OIT3: variants seen among roughly 807,000 people sequenced by gnomAD.
OIT3 encodes oncoprotein induced transcript 3.
Under a neutral mutation model 52.2 loss-of-function variants are expected in OIT3, and 41 were observed. That is an observed-to-expected ratio of 0.79 (90% CI 0.61 to 1.02). The LOEUF (loss-of-function observed/expected upper bound fraction) is 1.02. Among genes scored for constraint, OIT3 ranks in the 50% least tolerant of loss-of-function variants. The probability of loss-of-function intolerance (pLI) is 0.00; values close to 1 mark genes in which losing one functional copy is unlikely to be tolerated. For synonymous variants in OIT3, 244 were observed against 276.9 expected, an observed-to-expected ratio of 0.88 and a Z score of 1.18; for missense variants, 634 against 715.5, an observed-to-expected ratio of 0.89 and a Z score of 1.30.
intron 5 of OIT3, among the ~76,000 whole-genome samples, chr10:72,912,513 C>T (rs1056221851): frequency 3.9e-5 from 6 of 152,010 alleles, no homozygotes; most frequent in African/African-American, 9.7e-5. Flanking sequence ...TCAAGTGAGC[C>T]GCCCTCCTTG....
At chr10:72,921,419 A>C (rs1310023502) in intron 6 of OIT3, among the ~76,000 whole-genome samples, 1 of 152,084 alleles carries the variant, frequency 6.6e-6, no homozygotes, top group African/African-American at 2.4e-5. Flanking sequence ...GCCCATTTAC[A>C]TTTAAGGTTA....
At chr10:72,915,420 TG>T (rs1324428192) in intron 6 of OIT3, among the ~76,000 whole-genome samples, 2 of 152,208 alleles carry the variant, frequency 1.3e-5, no homozygotes, top group African/African-American at 2.4e-5. Context: ...AATTAAGTAT[TG>T]CTCCTAGGGG....
chr10:72,898,915 T>C lies in OIT3; in HGVS notation c.313T>C (p.Cys105Arg). 2 of 1,614,216 alleles carry C rather than the reference T, an allele frequency of 1.2e-6. No homozygotes were observed. Among genetic ancestry groups the C allele is most frequent in the Non-Finnish European group, 1.7e-6 (2 of 1,180,032 alleles). Residue 105 changes from cysteine (C) to arginine (R), a missense_variant, in exon 2 of 9, where the codon TGT becomes CGT. Transcript: ENST00000334011. ...CGACGGCATTGTGCAACGCCAGGCT[T>C]GTGCCAGCTTCAATGGGAACTGCTG... ...EGDGIVQRQA[C>R]ASFNGNCCLW...
At chr10:72,917,491 T>C in intron 6 of OIT3, 1 of 540,838 alleles carries the variant, frequency 1.8e-6, no homozygotes, top group Admixed American at 2.9e-5. Flanking sequence ...GGACAACACA[T>C]TCTTGGCAAT....
intron 7 of OIT3, 43 bp downstream of exon 7, chr10:72,924,687 T>A: frequency 3.4e-6 from 5 of 1,483,360 alleles, no homozygotes; most frequent in Non-Finnish European, 4.6e-6. Flanking sequence ...CTAGTTCACA[T>A]CCGGCCTCTA....
intron 7 of OIT3, 54 bp downstream of exon 7, chr10:72,924,698 A>G: frequency 7.3e-7 from 1 of 1,375,570 alleles, no homozygotes; most frequent in Non-Finnish European, 9.9e-7. Context: ...CCGGCCTCTA[A>G]GTTCACAGCA....
intron 7 of OIT3, among the ~76,000 whole-genome samples, chr10:72,925,985 T>C (rs1846166643): frequency 6.6e-6 from 1 of 152,240 alleles, no homozygotes; most frequent in African/African-American, 2.4e-5. Context: ...TGTCCTGAGG[T>C]ACTGATGGAG....
intron 6 of OIT3, among the ~76,000 whole-genome samples, chr10:72,916,171 TTTTTA>T (rs1381083655): frequency 1.3e-5 from 2 of 152,174 alleles, no homozygotes; most frequent in Non-Finnish European, 2.9e-5. Context: ...TTTATTTTTA[TTTTTA>T]TTTTAAGTTC....
At chr10:72,912,274 T>TTC (rs1220822404) in intron 5 of OIT3, among the ~76,000 whole-genome samples, 3 of 142,938 alleles carry the variant, frequency 2.1e-5, no homozygotes, top group African/African-American at 7.7e-5. Flanking sequence ...TTTTTTTTCT[T>TTC]TTTTTTTTTT....
intron 4 of OIT3, among the ~76,000 whole-genome samples, chr10:72,910,496 A>G (rs1056539410): frequency 6.6e-6 from 1 of 152,222 alleles, no homozygotes; most frequent in African/African-American, 2.4e-5. Flanking sequence ...TCTACTAAAA[A>G]TACAAAAACA....
At chr10:72,926,381 T>C (rs529060892) in intron 7 of OIT3, among the ~76,000 whole-genome samples, 1 of 152,328 alleles carries the variant, frequency 6.6e-6, no homozygotes, top group African/African-American at 2.4e-5. Context: ...TCCTCTCTAT[T>C]CCATTCCTAT....
chr10:72,922,346 A>C (rs1846128916), intron 6 of OIT3, among the ~76,000 whole-genome samples: 1 of 142,870 alleles, frequency 7.0e-6, no homozygotes. Flanking sequence ...TCTTTACATA[A>C]TCCCATATTT....
rs112864222 is a variant in OIT3 at position 72,921,745 on chromosome 10, A to C, written c.952-2484A>C. Among the ~76,000 whole-genome samples the C allele has an allele frequency of 1.6e-3, 241 of 149,962 alleles. 2 individuals carry two copies. The highest frequency in any genetic ancestry group is 5.5e-3 in the African/African-American group (222 of 40,730). ...TGGAATGCAGTGGCATGATCTCAGC[A>C]CATGCAACCTCTGCCTCCCAGGTTC... On this transcript the variant is annotated intron_variant, in intron 6 of 8. Coordinates refer to ENST00000334011, the MANE Select transcript of OIT3 (RefSeq NM_152635.3).
intron 4 of OIT3, among the ~76,000 whole-genome samples, chr10:72,909,550 G>A (rs1196124433): frequency 6.6e-6 from 1 of 151,850 alleles, no homozygotes; most frequent in East Asian, 1.9e-4. Flanking sequence ...GCTCTTGTTA[G>A]TTTTTAAGTA....
At chr10:72,924,144 G>T in intron 6 of OIT3, 85 bp from the exon 7 acceptor site, 1 of 1,175,384 alleles carries the variant, frequency 8.5e-7, no homozygotes, top group Non-Finnish European at 1.2e-6. Flanking sequence ...GAGGTAGATA[G>T]AATGTTAAGG....
chr10:72,905,341 C>T (rs372651092), intron 3 of OIT3, among the ~76,000 whole-genome samples: 3 of 151,940 alleles, frequency 2.0e-5, no homozygotes, highest in Non-Finnish European at 2.9e-5. Context: ...CGTGGTGGTG[C>T]GTGCCTGTAA....
At chr10:72,902,782 G>T (rs1419546412) in intron 3 of OIT3, among the ~76,000 whole-genome samples, 1 of 152,124 alleles carries the variant, frequency 6.6e-6, no homozygotes, top group Non-Finnish European at 1.5e-5. Flanking sequence ...AGAACAGTGT[G>T]GGGGAAATTG....
intron 6 of OIT3, among the ~76,000 whole-genome samples, chr10:72,919,402 AGTTT>A (rs1846102107): frequency 6.6e-6 from 1 of 152,168 alleles, no homozygotes; most frequent in South Asian, 2.1e-4. Flanking sequence ...AGACAGGGAT[AGTTT>A]GACTCCTCTC....
chr10:72,922,612 C>T (rs1846131156), intron 6 of OIT3, among the ~76,000 whole-genome samples: 1 of 152,064 alleles, frequency 6.6e-6, no homozygotes, highest in Non-Finnish European at 1.5e-5. Context: ...AGCTTCCTTG[C>T]ATTGAGTTAG....
Sources: allele counts gnomAD v4.1 joint callset (sites outside exome capture counted in the v4.1 genomes callset), GRCh38; gene constraint gnomAD v4.1.1; transcripts MANE v1.5; gene names NCBI Gene and HGNC (gene_info 2026-07-23, HGNC 2026-07-21).